The following SOX6 variants were observed in gnomAD, a reference collection of about 807,000 sequenced individuals.
SOX6 encodes the protein SRY-box transcription factor 6.
SOX6 carries 11 observed loss-of-function variants against 97.8 expected under a neutral mutation model. The ratio of observed to expected loss-of-function variants is 0.11; its 90% CI spans 0.07 to 0.19. SOX6 has a LOEUF of 0.19. SOX6 is among the 10% of genes least tolerant of loss of function. SOX6 has a pLI of 1.00. For synonymous variants in SOX6, 360 were observed against 371.4 expected (o/e 0.97, Z 0.35); for missense variants, 810 against 1,039.5 (o/e 0.78, Z 3.04).
At chr11:16,492,894 A>G (rs1433717286) in intron 4 of SOX6, among the ~76,000 whole-genome samples, 1 of 152,232 alleles carries the variant, frequency 6.6e-6, no homozygotes, top group Non-Finnish European at 1.5e-5. Context: ...TATTTAAGGA[A>G]CTGAAAATAA....
intron 14 of SOX6, 65 bp from the exon 15 acceptor site, chr11:15,986,485 T>A: frequency 1.4e-6 from 2 of 1,464,430 alleles, no homozygotes; most frequent in Non-Finnish European, 1.9e-6. Context: ...CAAACACAAC[T>A]AGATATACCT....
chr11:16,019,940 T>TAGGTTATTG (rs1855003403), intron 12 of SOX6, among the ~76,000 whole-genome samples: 1 of 152,180 alleles, frequency 6.6e-6, no homozygotes, highest in Non-Finnish European at 1.5e-5. Context: ...CAGCTATGTC[T>TAGGTTATTG]AGGTTATTGA....
At chr11:16,603,291 G>A (rs1023253471) in intron 4 of SOX6, among the ~76,000 whole-genome samples, 1 of 152,154 alleles carries the variant, frequency 6.6e-6, no homozygotes, top group Non-Finnish European at 1.5e-5. Context: ...AGAAAGTGCA[G>A]GCTAAAGCAG....
chr11:16,563,188 G>A (rs1847835122), intron 4 of SOX6, among the ~76,000 whole-genome samples: 1 of 151,902 alleles, frequency 6.6e-6, no homozygotes, highest in African/African-American at 2.4e-5. Flanking sequence ...AACAAATGAA[G>A]GAAATAGCCT....
chr11:16,161,055 C>A (rs1410769281), intron 6 of SOX6, among the ~76,000 whole-genome samples: 5 of 149,946 alleles, frequency 3.3e-5, no homozygotes, highest in African/African-American at 9.8e-5. Flanking sequence ...AATCAGCTTT[C>A]AAAAAAAAAG....
intron 3 of SOX6, among the ~76,000 whole-genome samples, chr11:16,620,238 T>C (rs903361300): frequency 1.3e-5 from 2 of 152,194 alleles, no homozygotes; most frequent in Non-Finnish European, 2.9e-5. Context: ...ATTTTATGAG[T>C]GGGATTCCAA....
intron 1 of SOX6, among the ~76,000 whole-genome samples, chr11:16,391,652 T>C (rs1242887782): frequency 6.6e-6 from 1 of 151,760 alleles, no homozygotes; most frequent in Non-Finnish European, 1.5e-5. Flanking sequence ...AGATTGGGAA[T>C]TAAACATTCA....
chr11:16,439,705 G>T (rs1377542092), intron 1 of SOX6, among the ~76,000 whole-genome samples: 1 of 152,070 alleles, frequency 6.6e-6, no homozygotes, highest in East Asian at 1.9e-4. Flanking sequence ...GTCTTTTCAT[G>T]GTATCATTCC....
intron 3 of SOX6, among the ~76,000 whole-genome samples, chr11:16,254,073 G>A (rs1353260621): frequency 6.6e-6 from 1 of 151,720 alleles, no homozygotes; most frequent in Admixed American, 6.6e-5. Flanking sequence ...AGAATATGGA[G>A]TGAAATATTT....
At chr11:16,717,809 T>C (rs1355359765) in intron 2 of SOX6, among the ~76,000 whole-genome samples, 3 of 151,852 alleles carry the variant, frequency 2.0e-5, no homozygotes, top group African/African-American at 7.2e-5. Context: ...AGGATATAAC[T>C]AGTTATTCTC....
intron 3 of SOX6, among the ~76,000 whole-genome samples, chr11:16,657,275 T>C (rs1004178551): frequency 6.6e-6 from 1 of 152,246 alleles, no homozygotes; most frequent in Non-Finnish European, 1.5e-5. Context: ...TATATTTTTA[T>C]GGCTTGATAG....
intron 10 of SOX6, among the ~76,000 whole-genome samples, chr11:16,054,159 C>T (rs1377860414): frequency 6.6e-6 from 1 of 152,110 alleles, no homozygotes; most frequent in Non-Finnish European, 1.5e-5. Context: ...ACATTTTACT[C>T]ATCCAGTAAA....
At chr11:16,594,939 C>A (rs1726288756) in intron 4 of SOX6, among the ~76,000 whole-genome samples, 1 of 152,008 alleles carries the variant, frequency 6.6e-6, no homozygotes, top group Admixed American at 6.6e-5. Flanking sequence ...GATCCGCCCC[C>A]CTCGGCCTCC....
rs146501336 is a variant in SOX6 at position 16,588,842 on chromosome 11, G to A, written n.609+23239C>T. On this transcript the variant is annotated intron_variant and non_coding_transcript_variant, in intron 4 of 5. Coordinates refer to the SOX6 transcript ENST00000524520. ...TCAGGAGTTCAAGACCAGCCTGGGC[G>A]TTGTAGCAAGACACTGTCTCTTTTT... is the stretch of plus-strand genomic sequence containing the variant. Among the ~76,000 whole-genome samples, 25 of 152,138 alleles carry A rather than the reference G, an allele frequency of 1.6e-4. No homozygotes were observed. In the South Asian group the frequency reaches 2.1e-3, roughly 13 times the overall value.
At chr11:16,668,485 A>G (rs6486311) in intron 3 of SOX6, among the ~76,000 whole-genome samples, 3,115 of 152,320 alleles carry the variant, frequency 0.02, 113 homozygotes, top group African/African-American at 0.072. Context: ...GGAAGAAAGG[A>G]CAGAAGGAAG....
chr11:16,211,519 G>C (rs769037609), intron 4 of SOX6, among the ~76,000 whole-genome samples: 1 of 152,020 alleles, frequency 6.6e-6, no homozygotes. Context: ...AAAAGGGATA[G>C]TGCTGTATCC....
intron 3 of SOX6, among the ~76,000 whole-genome samples, chr11:16,292,871 C>CGGT (rs1854957320): frequency 6.6e-6 from 1 of 152,228 alleles, no homozygotes; most frequent in South Asian, 2.1e-4. Flanking sequence ...GTTTAACGCT[C>CGGT]GGTGCTTAGT....
chr11:16,731,000 G>T lies in SOX6; in HGVS notation n.353+5339C>A, dbSNP rs1564879755. On this transcript the variant is annotated intron_variant and non_coding_transcript_variant, in intron 2 of 5. Coordinates refer to the SOX6 transcript ENST00000524520. ...CATAAATAAACTAGAAAATCTAGAA[G>T]AAATGGATAAATTCCTGGACAGCTA... Among the ~76,000 whole-genome samples the T allele has an allele frequency of 2.0e-5, 3 of 152,226 alleles. No homozygotes were observed. In the East Asian group the frequency reaches 5.8e-4, roughly 29 times the overall value.
chr11:16,481,457 T>C (rs201656986), intron 4 of SOX6, among the ~76,000 whole-genome samples: 1 of 152,302 alleles, frequency 6.6e-6, no homozygotes, highest in East Asian at 1.9e-4. Context: ...CACTCTGCTG[T>C]TCTGGAAGAA....
Sources: allele counts gnomAD v4.1 joint callset (sites outside exome capture counted in the v4.1 genomes callset), GRCh38; gene constraint gnomAD v4.1.1; transcripts MANE v1.5; gene names NCBI Gene and HGNC (gene_info 2026-07-23, HGNC 2026-07-21).